ANKRD44: variants seen among roughly 807,000 people sequenced by gnomAD.
ANKRD44 encodes ankyrin repeat domain 44.
Under a neutral mutation model 116.0 loss-of-function variants are expected in ANKRD44, and 35 were observed. The ratio of observed to expected loss-of-function variants is 0.30; its 90% CI spans 0.23 to 0.40. The LOEUF (loss-of-function observed/expected upper bound fraction) is 0.40. ANKRD44 is among the 10% of genes least tolerant of loss of function. The pLI is 1.00. For missense variants in ANKRD44, 1,014 were observed against 1,242.6 expected, an observed-to-expected ratio of 0.82 and a Z score of 2.77; for synonymous variants, 435 against 461.8, an observed-to-expected ratio of 0.94 and a Z score of 0.74.
chr2:197,250,407 C>T (rs186664463), intron 1 of ANKRD44, among the ~76,000 whole-genome samples: 199 of 152,300 alleles, frequency 1.3e-3, no homozygotes, highest in African/African-American at 4.6e-3. Context: ...CAAAGGCACA[C>T]GCTCACTTCC....
chr2:197,095,717 TCTC>T (rs1363179556), intron 10 of ANKRD44, among the ~76,000 whole-genome samples: 1 of 152,128 alleles, frequency 6.6e-6, no homozygotes, highest in Non-Finnish European at 1.5e-5. Context: ...TAACTGAACC[TCTC>T]CGTGCCTCAC....
rs1362557088 is a variant in ANKRD44 at position 197,212,049 on chromosome 2, C to CA, written c.28-24944_28-24943insT. ...TCTCTCTCTCTCTCAGTCTCTCTCT[C>CA]TCTCACACACACACACACACACACA... On this transcript the variant is annotated intron_variant, in intron 1 of 27. Transcript: ENST00000282272. The surrounding 1 kb of genome is among the most constrained non-coding windows in gnomAD (Gnocchi z 4.8). 4.2e-5 allele frequency among the ~76,000 whole-genome samples: 2 copies of CA among 47,768 alleles called. No individual in the cohort carries two copies. Among genetic ancestry groups the CA allele is most frequent in the African/African-American group, 6.4e-5 (1 of 15,540 alleles). 31.3% of individuals were successfully genotyped at this position (47,768 alleles called of 152,430 possible).
At chr2:197,218,751 C>CTTTTTTTTTTTGTT in intron 1 of ANKRD44, among the ~76,000 whole-genome samples, 1 of 52,338 alleles carries the variant, frequency 1.9e-5, no homozygotes, top group Non-Finnish European at 3.5e-5. Context: ...GGTAAAGTCC[C>CTTTTTTTTTTTGTT]TTTTTTTTTT....
intron 1 of ANKRD44, among the ~76,000 whole-genome samples, chr2:197,272,933 G>A (rs1294154231): frequency 6.6e-6 from 1 of 152,154 alleles, no homozygotes; most frequent in Non-Finnish European, 1.5e-5. Context: ...TTTAATTTGG[G>A]TTATAAATAA....
chr2:197,206,879 T>C (rs2081219825), intron 1 of ANKRD44, among the ~76,000 whole-genome samples: 1 of 152,200 alleles, frequency 6.6e-6, no homozygotes, highest in Non-Finnish European at 1.5e-5. Context: ...AGGCCAGTAC[T>C]CTTTAGAATT....
chr2:197,102,646 G>T (rs975572048), intron 9 of ANKRD44, among the ~76,000 whole-genome samples: 5 of 151,800 alleles, frequency 3.3e-5, no homozygotes, highest in African/African-American at 1.2e-4. Flanking sequence ...TTCTAAGTTT[G>T]TGTGTATGTC....
At chr2:197,184,382 C>T (rs946321102) in intron 2 of ANKRD44, among the ~76,000 whole-genome samples, 1 of 152,168 alleles carries the variant, frequency 6.6e-6, no homozygotes, top group Non-Finnish European at 1.5e-5. Context: ...TAGCTCACGC[C>T]TGTAATCTCA....
intron 4 of ANKRD44, among the ~76,000 whole-genome samples, chr2:197,129,229 G>A (rs991855201): frequency 6.6e-6 from 1 of 151,770 alleles, no homozygotes; most frequent in African/African-American, 2.4e-5. Flanking sequence ...CTGTGCCTCA[G>A]TTCAAGCGAT....
chr2:197,162,835 T>A (rs2080001375), intron 2 of ANKRD44, among the ~76,000 whole-genome samples: 1 of 152,198 alleles, frequency 6.6e-6, no homozygotes, highest in Non-Finnish European at 1.5e-5. Context: ...ACAACACATC[T>A]GGCATACAGT....
intron 1 of ANKRD44, among the ~76,000 whole-genome samples, chr2:197,206,478 G>A (rs1006859726): frequency 6.6e-6 from 1 of 152,208 alleles, no homozygotes; most frequent in African/African-American, 2.4e-5. Context: ...GAGGTCAGGA[G>A]TTTGAGACCA....
intron 15 of ANKRD44, among the ~76,000 whole-genome samples, chr2:197,079,286 GA>G (rs548768040): frequency 5.3e-5 from 8 of 149,586 alleles, no homozygotes; most frequent in African/African-American, 1.5e-4. Flanking sequence ...AAAAGAGTAA[GA>G]AAAAAAAATA....
At chr2:197,154,852 A>G (rs1316134468) in intron 2 of ANKRD44, among the ~76,000 whole-genome samples, 1 of 152,196 alleles carries the variant, frequency 6.6e-6, no homozygotes. Flanking sequence ...ACCACCACAC[A>G]ATTGTATTCA....
chr2:197,290,460 G>C (rs1434566353), intron 1 of ANKRD44, among the ~76,000 whole-genome samples: 1 of 151,898 alleles, frequency 6.6e-6, no homozygotes, highest in Non-Finnish European at 1.5e-5. Context: ...TGATTCACTT[G>C]AGTTTCCTGG....
chr2:197,216,623 TTTCTAAGATACTGAG>T lies in ANKRD44; in HGVS notation c.28-29532_28-29518del, dbSNP rs1431691067. On this transcript the variant is annotated intron_variant, in intron 1 of 27. Coordinates refer to ENST00000282272, the MANE Select transcript of ANKRD44 (RefSeq NM_001195144.2). ...GTGGGAGGAGAGCAAGGGTGGCCCG[TTTCTAAGATACTGAG>T]TTCAAAGTGCATGTCATCATTTCTC... 2.0e-5 allele frequency among the ~76,000 whole-genome samples: 3 copies of T among 152,192 alleles called. No homozygotes were observed. The East Asian group carries it at 5.8e-4, about 29-fold the overall frequency.
rs377220239 is a variant in ANKRD44 at position 197,125,262 on chromosome 2, A to G, written c.550+119T>C. On this transcript the variant is annotated intron_variant, in intron 6 of 27. Coordinates refer to ENST00000282272, the MANE Select transcript of ANKRD44 (RefSeq NM_001195144.2). ...GTAAAACCAACCAAATCTTCATTCAATTGCAACCCAAGCTTGAAAAGAAGT... is the reference window on the plus strand; with the variant it reads ...GTAAAACCAACCAAATCTTCATTCAGTTGCAACCCAAGCTTGAAAAGAAGT... The G allele has an allele frequency of 5.7e-4, 536 of 933,028 alleles. 2 individuals carry two copies. In the African/African-American group the frequency reaches 6.8e-3, roughly 12 times the overall value. 57.8% of individuals were successfully genotyped at this position (933,028 alleles called of 1,614,324 possible). A position where few individuals can be genotyped will look rare whatever the true frequency, so the allele number is the denominator to read the frequency against.
At position 197,088,772 on chromosome 2, in the gene ANKRD44, A is replaced by G; in HGVS notation, c.1186T>C (p.Phe396Leu). 2 of 1,613,180 alleles carry G rather than the reference A, an allele frequency of 1.2e-6. No individual in the cohort carries two copies. Among genetic ancestry groups the G allele is most frequent in the Non-Finnish European group, 1.7e-6 (2 of 1,179,440 alleles). The change falls in exon 12 of 28, where the codon TTT (phenylalanine) becomes CTT (leucine). Residue 396 changes from phenylalanine to leucine, a missense_variant and splice_region_variant. Transcript: ENST00000282272. ...DCCRKLLSSG[F>L]EIDTPDKFGR... Reference sequence around the variant, plus strand: ...AATTTATCTGGGGTGTCTATTTCAAAGCCTGCAGACAGCACGTGCTCATTA... The same window carrying G: ...AATTTATCTGGGGTGTCTATTTCAAGGCCTGCAGACAGCACGTGCTCATTA...
At chr2:196,996,488 T>C (rs2076013618) in intron 25 of ANKRD44, among the ~76,000 whole-genome samples, 1 of 152,342 alleles carries the variant, frequency 6.6e-6, no homozygotes, top group East Asian at 1.9e-4. Flanking sequence ...CTTCATACTA[T>C]AATGCCTTGT....
At position 197,108,842 on chromosome 2, in the gene ANKRD44, AACAAC is replaced by A. The variant is rs1044982048; in HGVS notation, c.985+1919_985+1923del. Reference sequence around the variant, plus strand: ...AACAGAGTGAGAAAGTGTCTTAAAAAACAACAACAACAACAACAACAACAACAACA... The same window carrying A: ...AACAGAGTGAGAAAGTGTCTTAAAAAAACAACAACAACAACAACAACAACA... On this transcript the variant is annotated intron_variant, in intron 9 of 27. Transcript: ENST00000282272. Among the ~76,000 whole-genome samples, 9 of 4,328 alleles carry A rather than the reference AACAAC, an allele frequency of 2.1e-3. No homozygotes were observed. In the Non-Finnish European group the frequency reaches 0.1, roughly 48 times the overall value. 2.8% of individuals were successfully genotyped at this position (4,328 alleles called of 152,430 possible). A position where few individuals can be genotyped will look rare whatever the true frequency, so the allele number is the denominator to read the frequency against.
In ANKRD44 at chr2:197,081,736, T is replaced by C. The variant is rs780341116; in HGVS notation, c.1458-11A>G. ...CCTAAGATAGTCTTACTTCTCAGCA[T>C]AAAGGATAGAAAAAAAAATTGCAAT... On this transcript the variant is annotated splice_polypyrimidine_tract_variant and intron_variant, in intron 14 of 27. Transcript: ENST00000282272. The C allele has an allele frequency of 8.1e-6, 13 of 1,603,266 alleles. No homozygotes were observed. The highest frequency in any genetic ancestry group is 3.4e-5 in the Admixed American group (2 of 58,188).
Sources: gnomAD v4.1 joint callset for allele counts (sites outside exome capture counted in the v4.1 genomes callset) on GRCh38, gnomAD v4.1.1 for gene constraint, Gnocchi (gnomAD v3.1) non-coding constraint, MANE v1.5 for transcripts, NCBI Gene and HGNC (gene_info 2026-07-23, HGNC 2026-07-21) for gene names.